AGBL4: variants seen among roughly 807,000 people sequenced by gnomAD.
AGBL4 encodes AGBL carboxypeptidase 4.
Under a neutral mutation model 66.4 loss-of-function variants are expected in AGBL4, and 58 were observed. The observed-to-expected ratio is 0.87, with a 90% confidence interval of 0.71 to 1.09. The LOEUF is 1.09. AGBL4 is among the 50% of genes least tolerant of loss of function. The pLI is 0.00. For missense variants in AGBL4, 579 were observed against 631.0 expected (o/e 0.92, Z 0.88); for synonymous variants, 234 against 222.9 (o/e 1.05, Z -0.44).
chr1:48,961,974 A>G (rs1658027663), intron 5 of AGBL4, among the ~76,000 whole-genome samples: 1 of 152,180 alleles, frequency 6.6e-6, no homozygotes, highest in Admixed American at 6.5e-5. Flanking sequence ...TTCTGATTCA[A>G]TGGATGAGAA....
intron 2 of AGBL4, among the ~76,000 whole-genome samples, chr1:49,809,658 T>G (rs1395218589): frequency 6.6e-6 from 1 of 152,198 alleles, no homozygotes; most frequent in Admixed American, 6.6e-5. Flanking sequence ...GTAAGTCTCA[T>G]GTTAATTGTT....
At chr1:50,015,701 C>A (rs1557662059) in intron 1 of AGBL4, among the ~76,000 whole-genome samples, 1 of 151,490 alleles carries the variant, frequency 6.6e-6, no homozygotes, top group Non-Finnish European at 1.5e-5. Flanking sequence ...CAAAAACAAA[C>A]AAAAAAAACA....
At chr1:48,647,589 T>C (rs1645857650) in intron 8 of AGBL4, 1 of 453,768 alleles carries the variant, frequency 2.2e-6, no homozygotes, top group South Asian at 1.6e-5. Context: ...CTCTATGGAA[T>C]ACACAATGAC....
intron 2 of AGBL4, among the ~76,000 whole-genome samples, chr1:49,793,981 T>C (rs1422257430): frequency 1.3e-5 from 2 of 151,996 alleles, no homozygotes; most frequent in South Asian, 2.1e-4. Flanking sequence ...AAATCAATTA[T>C]CGTGAGGATA....
intron 11 of AGBL4, among the ~76,000 whole-genome samples, chr1:48,571,337 C>T (rs766147338): frequency 1.3e-5 from 2 of 152,260 alleles, no homozygotes; most frequent in Non-Finnish European, 2.9e-5. Context: ...CCCTGCACCA[C>T]TTAGTTGTCC....
chr1:48,655,320 C>CT (rs889704400), intron 7 of AGBL4, among the ~76,000 whole-genome samples: 5 of 152,034 alleles, frequency 3.3e-5, no homozygotes, highest in Admixed American at 2.0e-4. Flanking sequence ...CTTTTCTTTT[C>CT]TTTTTTTCTT....
Position 49,845,353 on chromosome 1 carries a change from T to C in AGBL4, c.157+6043A>G, listed in dbSNP as rs556651250. The C allele has an allele frequency of 2.4e-5, 34 of 1,438,140 alleles. No individual in the cohort carries two copies. In the East Asian group the frequency reaches 7.8e-4, roughly 33 times the overall value. 89.1% of individuals were successfully genotyped at this position (1,438,140 alleles called of 1,614,324 possible). A position where few individuals can be genotyped will look rare whatever the true frequency, so the allele number is the denominator to read the frequency against. On this transcript the variant is annotated intron_variant, in intron 2 of 13. Coordinates refer to ENST00000371839, the MANE Select transcript of AGBL4 (RefSeq NM_032785.4). ...TGAGTGCAGTGTATGTGGGAAATCCTTCAGTTTTATGTCCTCCTTTAGCCA... is the reference window on the plus strand; with the variant it reads ...TGAGTGCAGTGTATGTGGGAAATCCCTCAGTTTTATGTCCTCCTTTAGCCA...
chr1:49,945,636 C>T (rs906873980), intron 1 of AGBL4, among the ~76,000 whole-genome samples: 2 of 151,944 alleles, frequency 1.3e-5, no homozygotes, highest in African/African-American at 4.8e-5. Context: ...TCACACAGAA[C>T]TTATAAAACA....
intron 1 of AGBL4, among the ~76,000 whole-genome samples, chr1:49,929,074 C>T (rs1460065664): frequency 6.6e-6 from 1 of 152,028 alleles, no homozygotes; most frequent in Non-Finnish European, 1.5e-5. Flanking sequence ...TACAGAAAAC[C>T]AAATACTACA....
At chr1:49,179,419 T>A (rs1372748878) in intron 4 of AGBL4, among the ~76,000 whole-genome samples, 2 of 152,156 alleles carry the variant, frequency 1.3e-5, no homozygotes, top group Non-Finnish European at 2.9e-5. Context: ...TCTCCCCTAC[T>A]GGAACTGACT....
At chr1:49,057,582 C>A (rs912856397) in intron 4 of AGBL4, among the ~76,000 whole-genome samples, 4 of 152,172 alleles carry the variant, frequency 2.6e-5, no homozygotes, top group Admixed American at 2.6e-4. Context: ...CCTTTGAACA[C>A]TTTTCCTTCC....
At chr1:48,985,172 T>C (rs1199392673) in intron 5 of AGBL4, among the ~76,000 whole-genome samples, 1 of 152,046 alleles carries the variant, frequency 6.6e-6, no homozygotes, top group Non-Finnish European at 1.5e-5. Context: ...AAAACTAATG[T>C]ATTCAGCTCC....
chr1:49,758,262 C>T (rs1353554816), intron 2 of AGBL4, among the ~76,000 whole-genome samples: 1 of 152,150 alleles, frequency 6.6e-6, no homozygotes, highest in Non-Finnish European at 1.5e-5. Flanking sequence ...CCAGGCAGAA[C>T]TTTTGCTGTG....
At chr1:49,352,109 G>C (rs1040111512) in intron 3 of AGBL4, among the ~76,000 whole-genome samples, 3 of 152,086 alleles carry the variant, frequency 2.0e-5, no homozygotes, top group African/African-American at 7.2e-5. Flanking sequence ...AATCCTTTAA[G>C]ATCCGGCTTA....
At chr1:49,022,613 C>T (rs577299537) in intron 5 of AGBL4, among the ~76,000 whole-genome samples, 2 of 152,074 alleles carry the variant, frequency 1.3e-5, no homozygotes, top group African/African-American at 2.4e-5. Context: ...AGTTGGAGCT[C>T]GTTCCTTGAT....
At chr1:48,861,883 C>A (rs1647504395) in intron 6 of AGBL4, among the ~76,000 whole-genome samples, 1 of 152,070 alleles carries the variant, frequency 6.6e-6, no homozygotes, top group African/African-American at 2.4e-5. Flanking sequence ...ATGGTGTGCC[C>A]CCATTTTCCT....
intron 4 of AGBL4, among the ~76,000 whole-genome samples, chr1:49,128,480 A>T (rs1645811544): frequency 6.6e-6 from 1 of 152,036 alleles, no homozygotes; most frequent in Admixed American, 6.6e-5. Flanking sequence ...ATAATCAAGA[A>T]TGTGCAAAAT....
chr1:49,647,509 G>A (rs952440773), intron 3 of AGBL4, among the ~76,000 whole-genome samples: 8 of 151,944 alleles, frequency 5.3e-5, no homozygotes, highest in African/African-American at 1.9e-4. Flanking sequence ...AATTACAGGG[G>A]GACTCAGTCA....
At chr1:49,245,443 G>A (rs1007482847) in intron 4 of AGBL4, among the ~76,000 whole-genome samples, 1 of 149,726 alleles carries the variant, frequency 6.7e-6, no homozygotes, top group Non-Finnish European at 1.5e-5. Flanking sequence ...CATAATAAAA[G>A]CCAAACAGGA....
Sources: allele counts gnomAD v4.1 joint callset (sites outside exome capture counted in the v4.1 genomes callset), GRCh38; gene constraint gnomAD v4.1.1; transcripts MANE v1.5; gene names NCBI Gene and HGNC (gene_info 2026-07-23, HGNC 2026-07-21).